DGCR2: variants seen among roughly 807,000 people sequenced by gnomAD.
The protein encoded by DGCR2 is DiGeorge syndrome critical region gene 2, also known as integral membrane protein DGCR2/IDD.
In DGCR2, 24 loss-of-function variants were observed where a neutral mutation model predicts 51.6. The observed-to-expected ratio is 0.47, with a 90% CI of 0.34 to 0.65. The LOEUF (loss-of-function observed/expected upper bound fraction) is 0.65, where lower values mean the gene tolerates loss of function less well. Ranked by LOEUF, DGCR2 falls within the 30% of genes least tolerant of loss-of-function variation. The probability of loss-of-function intolerance (pLI) is 0.01; values close to 1 mark genes in which losing one functional copy is unlikely to be tolerated. For missense variants in DGCR2, 765 were observed against 772.1 expected, an observed-to-expected ratio of 0.99 and a Z score of 0.11; for synonymous variants, 340 against 315.4, an observed-to-expected ratio of 1.08 and a Z score of -0.82.
rs139292745 is a variant in DGCR2, at chr22:19,081,083, C to T, written c.202+8285G>A. ...CAGGCCCATGGTTGCAGCTGCTCTG[C>T]TACACCAGGTCAGTTTAACTCTCCC... On this transcript the variant is annotated intron_variant, in intron 2 of 9. Coordinates refer to ENST00000263196, the MANE Select transcript of DGCR2 (RefSeq NM_005137.3). Among the ~76,000 whole-genome samples the T allele has an allele frequency of 4.0e-3, 607 of 152,300 alleles. 6 individuals carry two copies. The highest frequency in any genetic ancestry group is 0.014 in the African/African-American group (579 of 41,558).
chr22:19,089,576 A>ATTTG lies in DGCR2; in HGVS notation c.80-90_80-87dup, dbSNP rs139201016. The ATTTG allele has an allele frequency of 3.4e-3, 4,566 of 1,329,396 alleles. 146 individuals carry two copies. The African/African-American group carries it at 0.064, about 19-fold the overall frequency. The allele number at this position is 1,329,396 out of a possible 1,614,324, so 82.4% of individuals were successfully genotyped here. ...CCATGGGCTGGATCAATCTCTTCCC[A>ATTTG]TTTGTTTGTTTGTTTGTTTTTGAGA... On this transcript the variant is annotated intron_variant, in intron 1 of 9. Transcript: ENST00000263196.
chr22:19,106,664 A>C (rs1185660752), intron 1 of DGCR2, among the ~76,000 whole-genome samples: 1 of 152,086 alleles, frequency 6.6e-6, no homozygotes, highest in Non-Finnish European at 1.5e-5. Flanking sequence ...AAGCTGTTCT[A>C]TGTATTGAAA....
chr22:19,038,665 T>A lies in DGCR2; in HGVS notation c.*200A>T. On this transcript the variant is annotated 3_prime_UTR_variant, in exon 10 of 10. Transcript: ENST00000263196. ...AAAGCTATGCATGTTTCTGAAGCCCTCAAGGAAGCTCGGTGCAGGCCATCA... is the reference window on the plus strand; with the variant it reads ...AAAGCTATGCATGTTTCTGAAGCCCACAAGGAAGCTCGGTGCAGGCCATCA... 1 of 659,742 alleles carries A rather than the reference T, an allele frequency of 1.5e-6. No homozygotes were observed. The highest frequency in any genetic ancestry group is 2.6e-6 in the Non-Finnish European group (1 of 390,402). 40.9% of individuals were successfully genotyped at this position (659,742 alleles called of 1,614,324 possible). A position where few individuals can be genotyped will look rare whatever the true frequency, so the allele number is the denominator to read the frequency against.
At chr22:19,104,021 T>C (rs1305548517) in intron 1 of DGCR2, among the ~76,000 whole-genome samples, 1 of 151,768 alleles carries the variant, frequency 6.6e-6, no homozygotes, top group Non-Finnish European at 1.5e-5. Flanking sequence ...GGCACTGTTC[T>C]TTCAAAAGAG....
At chr22:19,049,829 A>G in intron 6 of DGCR2, among the ~76,000 whole-genome samples, 1 of 78,092 alleles carries the variant, frequency 1.3e-5, no homozygotes, top group Non-Finnish European at 2.3e-5. Flanking sequence ...TCTGTCTCAA[A>G]AAAAAAAAAA....
chr22:19,104,800 C>G (rs2083244389), intron 1 of DGCR2, among the ~76,000 whole-genome samples: 1 of 152,254 alleles, frequency 6.6e-6, no homozygotes, highest in Admixed American at 6.5e-5. Flanking sequence ...GCAGCTGCTT[C>G]CCAGTGGGGC....
intron 7 of DGCR2, among the ~76,000 whole-genome samples, chr22:19,042,933 C>T (rs1349198480): frequency 1.3e-5 from 2 of 152,148 alleles, no homozygotes; most frequent in Non-Finnish European, 2.9e-5. Context: ...CCCTGGCATA[C>T]ACGTGCAGAT....
chr22:19,083,718 TC>T (rs2082969636), intron 2 of DGCR2, among the ~76,000 whole-genome samples: 1 of 68,812 alleles, frequency 1.5e-5, no homozygotes, highest in Admixed American at 1.8e-4. Flanking sequence ...CCTCTCCCTC[TC>T]CCCACGGTCT....
Position 19,097,252 on chromosome 22 carries a change from T to C in DGCR2, c.80-7762A>G, listed in dbSNP as rs568667760. On this transcript the variant is annotated intron_variant, in intron 1 of 9. Transcript: ENST00000263196. ...TAGTAAACCTATATATATATATACA[T>C]ATATAGATATGTAAGTGAAACAGCC... 2.8e-4 allele frequency among the ~76,000 whole-genome samples: 42 copies of C among 152,106 alleles called. No homozygotes were observed. In the South Asian group the frequency reaches 7.3e-3, roughly 26 times the overall value.
intron 2 of DGCR2, among the ~76,000 whole-genome samples, chr22:19,083,713 C>CCCTCTA: frequency 7.8e-6 from 1 of 128,394 alleles, no homozygotes; most frequent in East Asian, 2.9e-4. Context: ...CTCCCCCTCT[C>CCCTCTA]CCTCTCCCCA....
chr22:19,064,707 G>A (rs531447798), intron 4 of DGCR2, 141 bp downstream of exon 4: 35 of 743,786 alleles, frequency 4.7e-5, no homozygotes, highest in Admixed American at 4.8e-5. Flanking sequence ...GATCTCCTGG[G>A]CTTCCAGTGG....
intron 1 of DGCR2, among the ~76,000 whole-genome samples, chr22:19,117,404 CT>C (rs1435580143): frequency 6.6e-6 from 1 of 152,240 alleles, no homozygotes; most frequent in African/African-American, 2.4e-5. Flanking sequence ...CCAACCTGGG[CT>C]TTAACTACAG....
intron 2 of DGCR2, among the ~76,000 whole-genome samples, chr22:19,078,200 C>G (rs565224509): frequency 6.6e-6 from 1 of 152,234 alleles, no homozygotes; most frequent in Admixed American, 6.5e-5. Flanking sequence ...TAAGAATATT[C>G]TTTAGTACAG....
intron 6 of DGCR2, chr22:19,056,639 G>A (rs890005624): frequency 5.1e-6 from 2 of 389,576 alleles, no homozygotes; most frequent in Non-Finnish European, 9.2e-6. Context: ...GAAATGGGGG[G>A]TGGGGAGGTG....
At chr22:19,071,044 C>T (rs1394147500) in intron 2 of DGCR2, among the ~76,000 whole-genome samples, 2 of 152,244 alleles carry the variant, frequency 1.3e-5, no homozygotes, top group African/African-American at 4.8e-5. Context: ...CGCGGAGGGC[C>T]AGCCTTTGGT....
At position 19,041,864 on chromosome 22, in the gene DGCR2, C is replaced by T; in HGVS notation, c.1102G>A (p.Val368Ile). ...CGGCGCCGCTGGCGCAGCCGGTGGA[C>T]CATGAAGAGCAGCAGTGACAGGATG... is the stretch of plus-strand genomic sequence containing the variant. ...FLILSLLLFM[V>I]HRLRQRRRER... Residue 368 changes from valine to isoleucine, a missense_variant, in exon 8 of 10, where the codon GTC (valine) becomes ATC (isoleucine). This residue lies in a region of DGCR2 where 190 missense variants were observed against 265.2 expected (regional missense o/e 0.72). Transcript: ENST00000263196. The T allele has an allele frequency of 6.2e-7, 1 of 1,613,376 alleles. No individual in the cohort carries two copies. Among genetic ancestry groups the T allele is most frequent in the African/African-American group, 1.3e-5 (1 of 75,014 alleles).
At chr22:19,043,432 G>GA (rs940632330) in intron 7 of DGCR2, among the ~76,000 whole-genome samples, 56 of 152,302 alleles carry the variant, frequency 3.7e-4, no homozygotes, top group African/African-American at 1.3e-3. Context: ...CATGAAAGGA[G>GA]AATCTACCAG....
chr22:19,098,073 T>C (rs1168907752), intron 1 of DGCR2, among the ~76,000 whole-genome samples: 1 of 151,912 alleles, frequency 6.6e-6, no homozygotes, highest in African/African-American at 2.4e-5. Flanking sequence ...TCTTTCTTTC[T>C]CCAGACTTTT....
At chr22:19,062,777 T>TCGCGCG (rs1327897839) in intron 5 of DGCR2, among the ~76,000 whole-genome samples, 1 of 125,344 alleles carries the variant, frequency 8.0e-6, no homozygotes, top group South Asian at 2.6e-4. Flanking sequence ...ACATGCATGC[T>TCGCGCG]CACTCTCTCT....
Sources: gnomAD v4.1 joint callset for allele counts (sites outside exome capture counted in the v4.1 genomes callset) on GRCh38, gnomAD v4.1.1 for gene constraint, gnomAD v4.1.1 regional missense constraint, MANE v1.5 for transcripts, NCBI Gene and HGNC (gene_info 2026-07-23, HGNC 2026-07-21) for gene names.